Variants in PRDM2 observed in about 807,000 individuals in gnomAD.
The protein encoded by PRDM2 is PR/SET domain 2.
Under a neutral mutation model 130.0 loss-of-function variants are expected in PRDM2, and 30 were observed. The ratio of observed to expected loss-of-function variants is 0.23; its 90% CI spans 0.17 to 0.31. The LOEUF is 0.31. Among genes scored for constraint, PRDM2 ranks in the 10% least tolerant of loss-of-function variants. The pLI is 1.00. For synonymous variants in PRDM2, 871 were observed against 782.4 expected, an observed-to-expected ratio of 1.11 and a Z score of -1.89; for missense variants, 2,011 against 2,108.4, an observed-to-expected ratio of 0.95 and a Z score of 0.90.
At chr1:13,786,188 C>G (rs1208539693) in intron 8 of PRDM2, among the ~76,000 whole-genome samples, 1 of 151,912 alleles carries the variant, frequency 6.6e-6, no homozygotes, top group African/African-American at 2.4e-5. Flanking sequence ...CTTTTCAAAC[C>G]GAGTTCCCAT....
At chr1:13,777,073 C>T (rs1644490902) in intron 7 of PRDM2, among the ~76,000 whole-genome samples, 1 of 152,168 alleles carries the variant, frequency 6.6e-6, no homozygotes, top group Non-Finnish European at 1.5e-5. Flanking sequence ...TCCCCCACAA[C>T]ACGCACATGC....
chr1:13,804,268 G>A (rs1030349633), intron 8 of PRDM2, among the ~76,000 whole-genome samples: 2 of 152,112 alleles, frequency 1.3e-5, no homozygotes, highest in African/African-American at 4.8e-5. Flanking sequence ...TGAAGGCACC[G>A]CAGCGACTCC....
intron 6 of PRDM2, 32 bp from the exon 7 acceptor site, chr1:13,773,042 AAATG>A (rs750165382): frequency 1.6e-4 from 197 of 1,227,382 alleles, no homozygotes; most frequent in Non-Finnish European, 2.1e-4. Context: ...AATAAAAAAA[AAATG>A]AATGAATAAA....
At chr1:13,767,349 T>C (rs771819715) in intron 6 of PRDM2, among the ~76,000 whole-genome samples, 3 of 152,030 alleles carry the variant, frequency 2.0e-5, no homozygotes, top group Non-Finnish European at 4.4e-5. Flanking sequence ...TGGAGTGCAG[T>C]GGCACGATCA....
chr1:13,742,132 G>C lies in PRDM2; in HGVS notation c.359G>C (p.Arg120Thr). 1.2e-6 allele frequency: 2 copies of C among 1,613,968 alleles called. No homozygotes were observed. Among genetic ancestry groups the C allele is most frequent in the Non-Finnish European group, 1.7e-6 (2 of 1,179,852 alleles). The change falls in exon 5 of 10, where the codon AGA becomes ACA. Residue 120 changes from arginine to threonine, a missense_variant. Physicochemically the swap from Arg to Thr is moderately conservative, Grantham distance 71. Transcript: ENST00000311066. ...EQNLFPLEIN[R>T]AIYYKTLKPI... is the part of the protein sequence containing the mutation. ...AATTTATTCCCACTGGAAATCAACAGAGCCATTTACTATAAAACTTTAAAG... is the reference window on the plus strand; with the variant it reads ...AATTTATTCCCACTGGAAATCAACACAGCCATTTACTATAAAACTTTAAAG...
Position 13,782,069 on chromosome 1 carries a change from A to T in PRDM2, c.4274A>T (p.Lys1425Ile). 1 of 1,614,136 alleles carries T rather than the reference A, an allele frequency of 6.2e-7. No individual in the cohort carries two copies. The highest frequency in any genetic ancestry group is 8.5e-7 in the Non-Finnish European group (1 of 1,180,020). Residue 1425 changes from lysine (K) to isoleucine (I), a missense_variant, in exon 8 of 10, where the codon AAA becomes ATA. Lys to Ile is a moderately radical substitution (Grantham distance 102, BLOSUM62 -3). Transcript: ENST00000311066. ...CTCAAATTAAATGCATTGAAGAAAA[A>T]AAATCAGCTAGTACAGAAAGCAATT... ...NKLKLNALKK[K>I]NQLVQKAILQ...
At chr1:13,739,538 G>T (rs555512862) in intron 4 of PRDM2, among the ~76,000 whole-genome samples, 17 of 152,206 alleles carry the variant, frequency 1.1e-4, no homozygotes, top group African/African-American at 3.9e-4. Flanking sequence ...TTAATCATTT[G>T]CACCACAGTA....
At chr1:13,804,467 G>T (rs1259269939) in intron 8 of PRDM2, among the ~76,000 whole-genome samples, 1 of 152,096 alleles carries the variant, frequency 6.6e-6, no homozygotes, top group Non-Finnish European at 1.5e-5. Flanking sequence ...CGCCGCTAAA[G>T]GTGTCCCCCA....
At chr1:13,749,555 C>T in intron 6 of PRDM2, 68 bp downstream of exon 6, 1 of 1,061,946 alleles carries the variant, frequency 9.4e-7, no homozygotes, top group Non-Finnish European at 1.2e-6. Context: ...CCCTGCCGCC[C>T]TCGCTGCTGC....
chr1:13,787,467 G>GT (rs1644765215), intron 8 of PRDM2: 1 of 985,166 alleles, frequency 1.0e-6, no homozygotes, highest in Admixed American at 6.1e-5. Flanking sequence ...TATTCATACT[G>GT]TTTTTTGTTC....
chr1:13,726,351 G>A (rs1642915240), intron 2 of PRDM2, among the ~76,000 whole-genome samples: 1 of 152,296 alleles, frequency 6.6e-6, no homozygotes, highest in Middle Eastern at 3.4e-3. Flanking sequence ...GCAGTAGAAG[G>A]GCCCTTCAGA....
At chr1:13,776,137 A>G (rs1266410660) in intron 7 of PRDM2, among the ~76,000 whole-genome samples, 1 of 152,082 alleles carries the variant, frequency 6.6e-6, no homozygotes. Context: ...AAACACAGCC[A>G]TCAATGTTCT....
intron 8 of PRDM2, among the ~76,000 whole-genome samples, chr1:13,794,814 T>G (rs765644504): frequency 1.3e-5 from 2 of 152,242 alleles, no homozygotes; most frequent in Non-Finnish European, 2.9e-5. Context: ...TGAGTTGTAG[T>G]AGCCAGAACA....
At position 13,771,320 on chromosome 1, in the gene PRDM2, T is replaced by C. The variant is rs550344477; in HGVS notation, c.512-1758T>C. ...TCCCGGTGAAGTGTGTGCTCGTTTT[T>C]TGAGTTCCATTTTAAGTGCCTTTGG... On this transcript the variant is annotated intron_variant, in intron 6 of 9. Transcript: ENST00000311066. This position sits in a 1 kb window ranked among gnomAD's most constrained non-coding sequence, Gnocchi z 4.1. Among the ~76,000 whole-genome samples the C allele has an allele frequency of 1.4e-4, 22 of 152,318 alleles. No homozygotes were observed. The highest frequency in any genetic ancestry group is 6.5e-4 in the Admixed American group (10 of 15,290).
At chr1:13,810,169 C>G (rs1016962226) in intron 8 of PRDM2, among the ~76,000 whole-genome samples, 8 of 150,126 alleles carry the variant, frequency 5.3e-5, no homozygotes, top group Non-Finnish European at 1.2e-4. Flanking sequence ...AACAGTTAAC[C>G]TCTCTCAAGT....
intron 9 of PRDM2, among the ~76,000 whole-genome samples, chr1:13,819,794 G>A (rs565349687): frequency 6.6e-6 from 1 of 152,178 alleles, no homozygotes; most frequent in Admixed American, 6.5e-5. Context: ...GGGCCTGGGG[G>A]AGAGCAAGCT....
chr1:13,765,311 GA>G (rs1198564865), intron 6 of PRDM2, among the ~76,000 whole-genome samples: 4 of 152,152 alleles, frequency 2.6e-5, no homozygotes, highest in African/African-American at 9.7e-5. Context: ...ATTCCTTATG[GA>G]AAACTTAATT....
Position 13,731,107 on chromosome 1 carries a change from G to A in PRDM2, c.117G>A (p.Lys39=). Residue 39 remains lysine, a synonymous_variant, in exon 3 of 10, where the codon AAG becomes AAA. Coordinates refer to ENST00000311066, the MANE Select transcript of PRDM2 (RefSeq NM_001393986.1). ...GGCTTTTCCCTTCTGCTGTTGACAA[G>A]ACCCGGATTGGTGAGTGCTCCTCCT... ...EVRLFPSAVD[K]TRIGVWATKP... is the part of the protein sequence containing the mutation. 1.2e-6 allele frequency: 2 copies of A among 1,612,888 alleles called. No homozygotes were observed. Among genetic ancestry groups the A allele is most frequent in the East Asian group, 2.2e-5 (1 of 44,806 alleles).
At chr1:13,821,942 C>T (rs982991048) in intron 9 of PRDM2, among the ~76,000 whole-genome samples, 3 of 152,212 alleles carry the variant, frequency 2.0e-5, no homozygotes, top group Admixed American at 6.5e-5. Flanking sequence ...TGCTGCTCAT[C>T]ATCTGCAGGC....
Sources: allele counts gnomAD v4.1 joint callset (sites outside exome capture counted in the v4.1 genomes callset), GRCh38; gene constraint gnomAD v4.1.1; non-coding constraint Gnocchi (gnomAD v3.1); transcripts MANE v1.5; gene names NCBI Gene and HGNC (gene_info 2026-07-23, HGNC 2026-07-21).